RALYL: variants seen among roughly 807,000 people sequenced by gnomAD.
RALYL encodes RALY RNA binding protein like.
Under a neutral mutation model 35.1 loss-of-function variants are expected in RALYL, and 29 were observed. That is an observed-to-expected ratio of 0.83 (90% CI 0.61 to 1.13). The LOEUF (loss-of-function observed/expected upper bound fraction) is 1.13. RALYL is among the 50% of genes most tolerant of loss of function. The pLI is 0.00. For synonymous variants in RALYL, 120 were observed against 127.6 expected (o/e 0.94, Z 0.40); for missense variants, 359 against 360.4 (o/e 1.00, Z 0.03).
chr8:84,219,497 A>C (rs1586277360), intron 1 of RALYL, among the ~76,000 whole-genome samples: 1 of 152,116 alleles, frequency 6.6e-6, no homozygotes, highest in East Asian at 1.9e-4. Context: ...TGTATTAATA[A>C]TTTATACATT....
chr8:84,626,532 G>A (rs1306286328), intron 2 of RALYL, among the ~76,000 whole-genome samples: 1 of 152,058 alleles, frequency 6.6e-6, no homozygotes, highest in Non-Finnish European at 1.5e-5. Context: ...TAAAAATTTA[G>A]GTTCTCTTTG....
intron 2 of RALYL, among the ~76,000 whole-genome samples, chr8:84,764,417 G>A (rs1481217559): frequency 1.3e-5 from 2 of 152,100 alleles, no homozygotes; most frequent in African/African-American, 2.4e-5. Context: ...ACCTTTGAAT[G>A]AAATATATAA....
intron 8 of RALYL, among the ~76,000 whole-genome samples, chr8:84,908,487 T>C (rs1846916124): frequency 6.6e-6 from 1 of 152,172 alleles, no homozygotes; most frequent in South Asian, 2.1e-4. Context: ...TCATTTAACG[T>C]AATGTCCTCC....
chr8:84,735,154 A>C (rs1847013079), intron 2 of RALYL, among the ~76,000 whole-genome samples: 1 of 151,716 alleles, frequency 6.6e-6, no homozygotes, highest in Admixed American at 6.6e-5. Context: ...TCTCAGTACC[A>C]AGCCGAATAC....
At chr8:84,446,751 T>C (rs1587348339) in intron 1 of RALYL, among the ~76,000 whole-genome samples, 1 of 151,978 alleles carries the variant, frequency 6.6e-6, no homozygotes, top group Non-Finnish European at 1.5e-5. Flanking sequence ...CTGTCCAAGG[T>C]GAATATGAAA....
chr8:84,621,284 G>A (rs1821372880), intron 2 of RALYL, among the ~76,000 whole-genome samples: 1 of 152,198 alleles, frequency 6.6e-6, no homozygotes, highest in Admixed American at 6.5e-5. Flanking sequence ...CCAGGTGCAG[G>A]ATATAATCTC....
intron 1 of RALYL, among the ~76,000 whole-genome samples, chr8:84,469,012 T>A (rs1369301325): frequency 2.6e-5 from 4 of 151,768 alleles, no homozygotes; most frequent in East Asian, 1.9e-4. Context: ...TTTAAGCACT[T>A]CTCTGTATTG....
intron 4 of RALYL, among the ~76,000 whole-genome samples, chr8:84,844,687 C>A (rs1252919200): frequency 6.6e-6 from 1 of 152,052 alleles, no homozygotes. Context: ...TATTGCAGCA[C>A]TATTCACAAT....
At chr8:84,541,638 C>T (rs1446927802) in intron 2 of RALYL, among the ~76,000 whole-genome samples, 3 of 151,958 alleles carry the variant, frequency 2.0e-5, no homozygotes, top group Non-Finnish European at 4.4e-5. Flanking sequence ...GATTTTTGTC[C>T]TCTTTTCCAT....
At chr8:84,456,083 T>TA (rs1225073451) in intron 1 of RALYL, among the ~76,000 whole-genome samples, 2 of 151,922 alleles carry the variant, frequency 1.3e-5, no homozygotes, top group Non-Finnish European at 2.9e-5. Context: ...GTTCCGAGGG[T>TA]AAAATGTACA....
intron 3 of RALYL, among the ~76,000 whole-genome samples, chr8:84,795,193 G>T (rs1019010750): frequency 6.6e-6 from 1 of 152,198 alleles, no homozygotes; most frequent in South Asian, 2.1e-4. Flanking sequence ...TAGGAATGAA[G>T]GAGCCTGGCT....
At chr8:84,543,362 T>C (rs2060140046) in intron 2 of RALYL, among the ~76,000 whole-genome samples, 1 of 152,082 alleles carries the variant, frequency 6.6e-6, no homozygotes, top group African/African-American at 2.4e-5. Context: ...TAAAGTAACT[T>C]ACTATTTCCC....
chr8:84,872,283 A>G (rs1840328833), intron 6 of RALYL, among the ~76,000 whole-genome samples: 3 of 152,168 alleles, frequency 2.0e-5, no homozygotes, highest in Admixed American at 2.0e-4. Flanking sequence ...TTAGGATTAA[A>G]TGCTCGTGTC....
At chr8:84,836,315 T>A (rs1832012773) in intron 4 of RALYL, among the ~76,000 whole-genome samples, 2 of 152,218 alleles carry the variant, frequency 1.3e-5, no homozygotes, top group African/African-American at 4.8e-5. Context: ...AGAGCTTTCT[T>A]AAGTTAGGTG....
At chr8:84,876,216 A>G (rs1340954775) in intron 7 of RALYL, among the ~76,000 whole-genome samples, 1 of 152,180 alleles carries the variant, frequency 6.6e-6, no homozygotes, top group Non-Finnish European at 1.5e-5. Flanking sequence ...GGCACAACTT[A>G]GCAAGTCATT....
chr8:84,197,884 T>A (rs1815772673), intron 1 of RALYL, among the ~76,000 whole-genome samples: 1 of 152,222 alleles, frequency 6.6e-6, no homozygotes, highest in Non-Finnish European at 1.5e-5. Context: ...TTTGATGCCT[T>A]CTTCTCCCAT....
chr8:84,680,393 T>A (rs1835188680), intron 2 of RALYL, among the ~76,000 whole-genome samples: 1 of 152,182 alleles, frequency 6.6e-6, no homozygotes, highest in Non-Finnish European at 1.5e-5. Flanking sequence ...TCAAATGGTA[T>A]TTCTAGTACT....
intron 2 of RALYL, among the ~76,000 whole-genome samples, chr8:84,734,404 T>C (rs1343135426): frequency 6.6e-6 from 1 of 152,196 alleles, no homozygotes; most frequent in Non-Finnish European, 1.5e-5. Context: ...TTTTCTTAAA[T>C]TTTTAAGGTA....
intron 2 of RALYL, among the ~76,000 whole-genome samples, chr8:84,744,923 A>G (rs565806821): frequency 6.4e-4 from 97 of 152,122 alleles, no homozygotes; most frequent in Non-Finnish European, 1.2e-3. Flanking sequence ...TAATTGATAT[A>G]CTATTGAATA....
Sources: gnomAD v4.1 joint callset for allele counts (sites outside exome capture counted in the v4.1 genomes callset) on GRCh38, gnomAD v4.1.1 for gene constraint, MANE v1.5 for transcripts, NCBI Gene and HGNC (gene_info 2026-07-23, HGNC 2026-07-21) for gene names.